RRAGB: variants seen among roughly 807,000 people sequenced by gnomAD.
RRAGB encodes Ras related GTP binding B, also known as ras-related GTP-binding protein B.
A neutral mutation model predicts 29.3 loss-of-function variants in RRAGB; 6 were observed. That is an observed-to-expected ratio of 0.21 (90% CI 0.11 to 0.40). RRAGB has a LOEUF of 0.40. RRAGB is among the 10% of genes least tolerant of loss of function. The pLI is 1.00. For synonymous variants in RRAGB, 101 were observed against 92.5 expected, an observed-to-expected ratio of 1.09 and a Z score of -0.53; for missense variants, 184 against 272.9, an observed-to-expected ratio of 0.67 and a Z score of 2.29.
chrX:55,737,272 A>C (rs763679634), intron 5 of RRAGB, among the ~76,000 whole-genome samples: 2 of 112,487 alleles, frequency 1.8e-5, no homozygotes, highest in Non-Finnish European at 3.8e-5. Context: ...ACCTCTGTCC[A>C]TCTGCAGGAA....
intron 6 of RRAGB, 72 bp from the exon 7 acceptor site, chrX:55,753,320 G>T: frequency 1.0e-6 from 1 of 976,707 alleles, no homozygotes. Context: ...ATATTATAGT[G>T]TACTTACTAA....
intron 4 of RRAGB, 104 bp from the exon 5 acceptor site, chrX:55,731,260 G>A: frequency 1.7e-6 from 1 of 580,891 alleles, no homozygotes; most frequent in Non-Finnish European, 2.7e-6. Flanking sequence ...TTAAATTGAA[G>A]CCTTAAGATT....
chrX:55,740,191 C>T lies in RRAGB; in HGVS notation c.516+8605C>T, dbSNP rs769685152. 4.1e-3 allele frequency among the ~76,000 whole-genome samples: 460 copies of T among 110,886 alleles called. 4 individuals carry two copies. The highest frequency in any genetic ancestry group is 0.014 in the African/African-American group (436 of 30,545). Reference sequence around the variant, plus strand: ...ACAAAAAATTAGCTGGGCGCAGTGGCGGGCGCCTGTAGTCCCAGCTACTCG... The same window carrying T: ...ACAAAAAATTAGCTGGGCGCAGTGGTGGGCGCCTGTAGTCCCAGCTACTCG... On this transcript the variant is annotated intron_variant, in intron 5 of 9. Transcript: ENST00000374941.
chrX:55,720,100 T>G (rs1274475090), intron 2 of RRAGB, among the ~76,000 whole-genome samples: 1 of 112,295 alleles, frequency 8.9e-6, no homozygotes, highest in East Asian at 2.8e-4. Flanking sequence ...GAAGGAAATG[T>G]ACCATATTTA....
chrX:55,758,292 T>C lies in RRAGB; in HGVS notation c.990T>C (p.Phe330=). 8.3e-7 allele frequency: 1 copy of C among 1,208,488 alleles called. No individual in the cohort carries two copies. The highest frequency in any genetic ancestry group is 3.0e-5 in the East Asian group (1 of 33,799). The change falls in exon 10 of 10, where the codon TTT becomes TTC. Residue 330 remains phenylalanine (F), a synonymous_variant. Transcript: ENST00000374941. ...ACATCCGCAATGCCAGGAAACACTT[T>C]GAAAAGCTGGAAAGAGTGGATGGAC... ...LINIRNARKH[F]EKLERVDGPK... is the part of the protein sequence containing the mutation.
At chrX:55,749,668 CTT>C (rs1302477127) in intron 5 of RRAGB, among the ~76,000 whole-genome samples, 2 of 111,028 alleles carry the variant, frequency 1.8e-5, no homozygotes, top group African/African-American at 6.4e-5. Context: ...ACATGGGAGA[CTT>C]TTCATTTTGT....
At chrX:55,748,571 G>T (rs1478812862) in intron 5 of RRAGB, among the ~76,000 whole-genome samples, 1 of 111,243 alleles carries the variant, frequency 9.0e-6, no homozygotes, top group Non-Finnish European at 1.9e-5. Context: ...CCCCGTCGGG[G>T]AGGTGAGGAG....
intron 4 of RRAGB, among the ~76,000 whole-genome samples, chrX:55,730,322 C>T (rs1203524188): frequency 8.9e-6 from 1 of 112,209 alleles, no homozygotes; most frequent in Non-Finnish European, 1.9e-5. Flanking sequence ...CAAATCCTTC[C>T]TCATTATCAT....
chrX:55,726,728 T>C (rs2033491803), intron 3 of RRAGB, among the ~76,000 whole-genome samples: 1 of 111,299 alleles, frequency 9.0e-6, no homozygotes, highest in African/African-American at 3.3e-5. Flanking sequence ...AAGATAAGAC[T>C]GAAAGAGGAA....
chrX:55,736,927 T>TG (rs998910160), intron 5 of RRAGB, among the ~76,000 whole-genome samples: 1 of 112,386 alleles, frequency 8.9e-6, no homozygotes, highest in Non-Finnish European at 1.9e-5. Flanking sequence ...AAAAATATAC[T>TG]GGGGAAAAAA....
At chrX:55,741,683 C>T (rs1291068949) in intron 5 of RRAGB, among the ~76,000 whole-genome samples, 2 of 111,465 alleles carry the variant, frequency 1.8e-5, no homozygotes, top group South Asian at 3.8e-4. Context: ...GACACACACA[C>T]GCAGAGAGAG....
chrX:55,742,115 TATATC>T lies in RRAGB; in HGVS notation c.517-8981_517-8977del, dbSNP rs762202307. 2.3e-3 allele frequency among the ~76,000 whole-genome samples: 256 copies of T among 112,705 alleles called. 2 individuals are homozygous for T. Among genetic ancestry groups the T allele is most frequent in the Admixed American group, 3.9e-3 (42 of 10,715 alleles). ...AGTTAACAATACTTAAATATTATGA[TATATC>T]ATATGATATGTTCATGATAAGGGAT... On this transcript the variant is annotated intron_variant, in intron 5 of 9. Coordinates refer to ENST00000374941, the MANE Select transcript of RRAGB (RefSeq NM_006064.5).
chrX:55,721,629 G>T (rs751108809), intron 2 of RRAGB, among the ~76,000 whole-genome samples: 3 of 110,991 alleles, frequency 2.7e-5, no homozygotes, highest in African/African-American at 9.8e-5. Flanking sequence ...GATCAAGGAG[G>T]GTCTTATATG....
At chrX:55,737,971 G>A (rs191324005) in intron 5 of RRAGB, among the ~76,000 whole-genome samples, 1 of 112,335 alleles carries the variant, frequency 8.9e-6, no homozygotes, top group African/African-American at 3.2e-5. Flanking sequence ...AGCCCACTCT[G>A]GTACTTGTGC....
intron 3 of RRAGB, among the ~76,000 whole-genome samples, chrX:55,724,162 A>G (rs1393475234): frequency 2.7e-5 from 3 of 112,011 alleles, no homozygotes; most frequent in African/African-American, 9.7e-5. Flanking sequence ...TCCCTTTCAG[A>G]TATGTTGTTA....
chrX:55,726,298 C>T (rs2033472838), intron 3 of RRAGB, among the ~76,000 whole-genome samples: 1 of 111,965 alleles, frequency 8.9e-6, no homozygotes, highest in Non-Finnish European at 1.9e-5. Context: ...AGGCCTGCTT[C>T]CTAGGGACAA....
intron 5 of RRAGB, among the ~76,000 whole-genome samples, chrX:55,748,960 G>A (rs2034384350): frequency 1.1e-5 from 1 of 89,579 alleles, no homozygotes; most frequent in Admixed American, 1.2e-4. Flanking sequence ...GGAGGGAGGT[G>A]GGGGAGTCAG....
chrX:55,729,586 G>C (rs1010958760), intron 4 of RRAGB, among the ~76,000 whole-genome samples: 1 of 111,497 alleles, frequency 9.0e-6, no homozygotes, highest in Non-Finnish European at 1.9e-5. Context: ...GCTCCATCTA[G>C]GTATCTGTAG....
chrX:55,726,788 T>C (rs1329915015), intron 3 of RRAGB, among the ~76,000 whole-genome samples: 1 of 111,643 alleles, frequency 9.0e-6, no homozygotes, highest in Non-Finnish European at 1.9e-5. Flanking sequence ...TATACTTGGA[T>C]ACGTTGAGTT....
Sources: allele counts gnomAD v4.1 joint callset (sites outside exome capture counted in the v4.1 genomes callset), GRCh38; gene constraint gnomAD v4.1.1; transcripts MANE v1.5; gene names NCBI Gene and HGNC (gene_info 2026-07-23, HGNC 2026-07-21).